DCLK1: variants seen among roughly 807,000 people sequenced by gnomAD.
DCLK1 encodes the protein doublecortin like kinase 1, also known as serine/threonine-protein kinase DCLK1.
A neutral mutation model predicts 86.2 loss-of-function variants in DCLK1; 16 were observed. The ratio of observed to expected loss-of-function variants is 0.19; its 90% CI spans 0.13 to 0.28. The LOEUF is 0.28. Ranked by LOEUF, DCLK1 falls within the 10% of genes least tolerant of loss-of-function variation. The pLI, the probability that DCLK1 is intolerant of heterozygous loss-of-function variation, is 1.00. For synonymous variants in DCLK1, 369 were observed against 370.5 expected, an observed-to-expected ratio of 1.00 and a Z score of 0.05; for missense variants, 590 against 940.2, an observed-to-expected ratio of 0.63 and a Z score of 4.87.
intron 3 of DCLK1, among the ~76,000 whole-genome samples, chr13:36,107,811 G>A (rs1367692304): frequency 2.0e-5 from 3 of 152,054 alleles, no homozygotes; most frequent in Non-Finnish European, 4.4e-5. Flanking sequence ...AGCAAATCTG[G>A]TAACTTTTAG....
intron 3 of DCLK1, among the ~76,000 whole-genome samples, chr13:35,999,734 G>A (rs962286326): frequency 2.0e-5 from 3 of 152,176 alleles, no homozygotes; most frequent in Admixed American, 1.3e-4. Flanking sequence ...ACTGCTACCT[G>A]ATGTCTTATT....
chr13:35,994,047 C>T (rs1285007965), intron 3 of DCLK1, among the ~76,000 whole-genome samples: 1 of 150,904 alleles, frequency 6.6e-6, no homozygotes, highest in Non-Finnish European at 1.5e-5. Flanking sequence ...TTTTGAGATA[C>T]TGGAACCAAT....
intron 2 of DCLK1, among the ~76,000 whole-genome samples, chr13:36,116,238 C>T (rs373070397): frequency 6.6e-5 from 10 of 152,294 alleles, no homozygotes; most frequent in African/African-American, 2.2e-4. Flanking sequence ...GCGTGAGCCA[C>T]CGCGACTGGC....
chr13:36,025,301 AT>A (rs1412010151), intron 3 of DCLK1, among the ~76,000 whole-genome samples: 2 of 152,126 alleles, frequency 1.3e-5, no homozygotes, highest in African/African-American at 4.8e-5. Flanking sequence ...TGCCAAGGTA[AT>A]TTAATGGAGA....
At chr13:36,000,753 T>G (rs1287370388) in intron 3 of DCLK1, among the ~76,000 whole-genome samples, 3 of 152,116 alleles carry the variant, frequency 2.0e-5, no homozygotes, top group African/African-American at 4.8e-5. Flanking sequence ...ATAAAAACCC[T>G]GAATATGTTC....
At chr13:35,827,605 A>C (rs529421663) in intron 10 of DCLK1, 30 bp downstream of exon 10, 1 of 1,612,996 alleles carries the variant, frequency 6.2e-7, no homozygotes, top group East Asian at 2.2e-5. Flanking sequence ...TGCCATCAAT[A>C]AAGACTTACT....
intron 15 of DCLK1, among the ~76,000 whole-genome samples, chr13:35,794,093 G>T (rs113362888): frequency 0.038 from 5,747 of 152,250 alleles, 312 homozygotes; most frequent in African/African-American, 0.12. Context: ...TTTAACCAAG[G>T]TCTCTATTCT....
chr13:35,897,365 C>T (rs1230899754), intron 4 of DCLK1, among the ~76,000 whole-genome samples: 1 of 152,056 alleles, frequency 6.6e-6, no homozygotes, highest in Admixed American at 6.6e-5. Flanking sequence ...GTGAGGAGTG[C>T]CTGGACCTAG....
intron 3 of DCLK1, among the ~76,000 whole-genome samples, chr13:35,981,234 T>C (rs1399874728): frequency 6.6e-6 from 1 of 152,174 alleles, no homozygotes; most frequent in African/African-American, 2.4e-5. Flanking sequence ...TTTGTTTTTT[T>C]TTTGTGACAG....
intron 4 of DCLK1, 74 bp downstream of exon 4, chr13:35,947,284 A>T: frequency 8.7e-7 from 1 of 1,155,646 alleles, no homozygotes; most frequent in Non-Finnish European, 1.3e-6. Context: ...AGTTGACATA[A>T]TCTTGGCCTG....
intron 6 of DCLK1, among the ~76,000 whole-genome samples, chr13:35,842,347 G>T (rs1021599197): frequency 3.3e-5 from 5 of 151,432 alleles, no homozygotes; most frequent in African/African-American, 9.7e-5. Context: ...CCCAGTACAG[G>T]TCTAATCCAC....
intron 3 of DCLK1, among the ~76,000 whole-genome samples, chr13:36,021,221 G>A (rs774801301): frequency 3.7e-5 from 5 of 135,938 alleles, no homozygotes; most frequent in Admixed American, 8.2e-5. Context: ...TGTATTCCTC[G>A]GGATAGCCAC....
chr13:36,022,451 A>C (rs926317943), intron 3 of DCLK1, among the ~76,000 whole-genome samples: 3 of 152,128 alleles, frequency 2.0e-5, no homozygotes, highest in African/African-American at 7.2e-5. Flanking sequence ...TTTTTAATTG[A>C]GAAAAATCAA....
intron 16 of DCLK1, chr13:35,788,333 A>C (rs1262416492): frequency 6.4e-7 from 1 of 1,568,542 alleles, no homozygotes; most frequent in South Asian, 1.1e-5. Context: ...ATTGTGCTAA[A>C]GAATTAAGAC....
At chr13:35,856,091 C>T (rs970715347) in intron 5 of DCLK1, among the ~76,000 whole-genome samples, 2 of 152,168 alleles carry the variant, frequency 1.3e-5, no homozygotes, top group Non-Finnish European at 2.9e-5. Context: ...ATGTCACATA[C>T]CCCATGCTGC....
At chr13:36,128,785 G>T (rs1176208477) in intron 1 of DCLK1, among the ~76,000 whole-genome samples, 1 of 152,134 alleles carries the variant, frequency 6.6e-6, no homozygotes, top group Admixed American at 6.5e-5. Context: ...TGGTTTCATT[G>T]ATTTTGATGT....
chr13:35,855,565 CG>C, intron 5 of DCLK1: 1 of 1,594,564 alleles, frequency 6.3e-7, no homozygotes, highest in Admixed American at 1.7e-5. Context: ...ATACCAACGG[CG>C]GAATCCCGTC....
chr13:35,899,548 G>T (rs1874224041), intron 4 of DCLK1, among the ~76,000 whole-genome samples: 1 of 152,096 alleles, frequency 6.6e-6, no homozygotes, highest in Admixed American at 6.6e-5. Flanking sequence ...TACTAATCAT[G>T]GTAATTTCTC....
intron 3 of DCLK1, among the ~76,000 whole-genome samples, chr13:36,104,977 GACCT>G (rs987656049): frequency 3.9e-5 from 6 of 151,986 alleles, no homozygotes; most frequent in African/African-American, 1.5e-4. Context: ...ATTTTTAGAG[GACCT>G]ACCATGTGTC....
Sources: allele counts gnomAD v4.1 joint callset (sites outside exome capture counted in the v4.1 genomes callset), GRCh38; gene constraint gnomAD v4.1.1; transcripts MANE v1.5; gene names NCBI Gene and HGNC (gene_info 2026-07-23, HGNC 2026-07-21).